The following OSBPL8 variants were observed in gnomAD, a reference collection of about 807,000 sequenced individuals.
The protein encoded by OSBPL8 is oxysterol-binding protein-related protein 8.
Under a neutral mutation model 125.5 loss-of-function variants are expected in OSBPL8, and 59 were observed. The observed-to-expected ratio is 0.47, with a 90% confidence interval of 0.38 to 0.58. OSBPL8 has a LOEUF of 0.58. OSBPL8 is among the 20% of genes least tolerant of loss of function. The pLI is 0.00. For missense variants in OSBPL8, 758 were observed against 1,047.8 expected (o/e 0.72, Z 3.82); for synonymous variants, 330 against 338.9 (o/e 0.97, Z 0.29).
At chr12:76,386,878 A>C (rs551301264) in intron 12 of OSBPL8, among the ~76,000 whole-genome samples, 86 of 152,260 alleles carry the variant, frequency 5.6e-4, no homozygotes, top group Middle Eastern at 3.4e-3. Context: ...ATTCTTTGAT[A>C]CACTGCCTGG....
intron 2 of OSBPL8, among the ~76,000 whole-genome samples, chr12:76,474,187 T>TA (rs1391814416): frequency 6.6e-6 from 1 of 152,144 alleles, no homozygotes; most frequent in Non-Finnish European, 1.5e-5. Flanking sequence ...AAAATAAATT[T>TA]AAAAAACATA....
chr12:76,510,989 T>C (rs1045794923), intron 1 of OSBPL8, among the ~76,000 whole-genome samples: 1 of 152,136 alleles, frequency 6.6e-6, no homozygotes, highest in South Asian at 2.1e-4. Context: ...GAACTTAGTG[T>C]ATAGCCAAGA....
intron 2 of OSBPL8, among the ~76,000 whole-genome samples, chr12:76,464,652 C>G (rs1369765260): frequency 6.6e-6 from 1 of 152,184 alleles, no homozygotes; most frequent in African/African-American, 2.4e-5. Flanking sequence ...AAATAAACCA[C>G]ACTGGAAGGC....
intron 15 of OSBPL8, among the ~76,000 whole-genome samples, chr12:76,381,971 G>A (rs1387958955): frequency 6.6e-6 from 1 of 152,100 alleles, no homozygotes; most frequent in Non-Finnish European, 1.5e-5. Flanking sequence ...CTGACCTCAG[G>A]TGATCCACCC....
At chr12:76,456,839 C>A (rs1874111124) in intron 3 of OSBPL8, among the ~76,000 whole-genome samples, 1 of 151,984 alleles carries the variant, frequency 6.6e-6, no homozygotes, top group Non-Finnish European at 1.5e-5. Flanking sequence ...TTTATTGATA[C>A]CATAAGTTTA....
chr12:76,429,555 A>G (rs1364007965), intron 4 of OSBPL8, among the ~76,000 whole-genome samples: 1 of 152,136 alleles, frequency 6.6e-6, no homozygotes, highest in Non-Finnish European at 1.5e-5. Flanking sequence ...TTTAACTAAA[A>G]ATGTACTAAA....
chr12:76,400,815 G>A (rs534647594), intron 6 of OSBPL8, among the ~76,000 whole-genome samples: 1 of 140,226 alleles, frequency 7.1e-6, no homozygotes, highest in African/African-American at 2.7e-5. Context: ...TTTTGAGACA[G>A]TCTCATTCTG....
intron 1 of OSBPL8, among the ~76,000 whole-genome samples, chr12:76,534,061 T>C (rs982862068): frequency 7.2e-5 from 11 of 152,322 alleles, no homozygotes; most frequent in African/African-American, 2.4e-4. Flanking sequence ...AAGGGGAAAA[T>C]ACCTGAGTGC....
At chr12:76,391,769 A>T (rs1953570438) in intron 10 of OSBPL8, among the ~76,000 whole-genome samples, 2 of 152,138 alleles carry the variant, frequency 1.3e-5, no homozygotes, top group East Asian at 1.9e-4. Flanking sequence ...GCTCTAAAAA[A>T]TTTTTTAAAG....
chr12:76,493,138 T>C (rs116832776), intron 1 of OSBPL8, among the ~76,000 whole-genome samples: 1,609 of 152,274 alleles, frequency 0.011, 38 homozygotes, highest in African/African-American at 0.037. Flanking sequence ...CTCTGAGTCT[T>C]TGTTTTCTCA....
intron 8 of OSBPL8, among the ~76,000 whole-genome samples, chr12:76,395,059 G>C (rs1953734141): frequency 6.6e-6 from 1 of 151,958 alleles, no homozygotes; most frequent in African/African-American, 2.4e-5. Flanking sequence ...CAACTAATGA[G>C]ATAAGAAATA....
In OSBPL8 at chr12:76,352,743, A is replaced by G. The variant is rs1309758194; in HGVS notation, c.*3146T>C. ...CTAGAAATGCTAAACACTGGAAAAA[A>G]TGGAATTTTATACATTTGTTTTCTT... On this transcript the variant is annotated 3_prime_UTR_variant, in exon 24 of 24. Transcript: ENST00000261183. 2 of 152,568 alleles carry G rather than the reference A, an allele frequency of 1.3e-5. No individual in the cohort carries two copies. Among genetic ancestry groups the G allele is most frequent in the Non-Finnish European group, 2.9e-5 (2 of 67,952 alleles). 9.5% of individuals were successfully genotyped at this position (152,568 alleles called of 1,614,324 possible).
intron 2 of OSBPL8, among the ~76,000 whole-genome samples, chr12:76,471,042 C>A (rs1169094003): frequency 1.3e-5 from 2 of 151,060 alleles, no homozygotes; most frequent in Admixed American, 1.3e-4. Context: ...GTTTATAACC[C>A]AAAAAAAAGC....
intron 2 of OSBPL8, among the ~76,000 whole-genome samples, chr12:76,471,315 C>T (rs2136918135): frequency 6.6e-6 from 1 of 152,308 alleles, no homozygotes; most frequent in Middle Eastern, 3.4e-3. Flanking sequence ...TCTTCCCTTT[C>T]TCTGCCCCTG....
intron 4 of OSBPL8, among the ~76,000 whole-genome samples, chr12:76,445,108 T>C (rs1047010373): frequency 2.6e-5 from 4 of 152,160 alleles, no homozygotes; most frequent in African/African-American, 9.7e-5. Context: ...TTCTGTTTGG[T>C]TGTTTTGTTA....
rs147621709 is a variant in OSBPL8 at position 76,380,190 on chromosome 12, A to G, written c.1631-1640T>C. Among the ~76,000 whole-genome samples the G allele has an allele frequency of 2.4e-3, 366 of 152,280 alleles. 1 individual carries two copies. The South Asian group carries it at 0.025, about 10-fold the overall frequency. On this transcript the variant is annotated intron_variant, in intron 15 of 23. Transcript: ENST00000261183. ...AAAGCCTGCTTAGATTATGATTAGG[A>G]TTGCACTGAGTCTATGGCTCAATTA...
Position 76,406,165 on chromosome 12 carries a change from T to C in OSBPL8, c.289-3399A>G, listed in dbSNP as rs138684539. Among the ~76,000 whole-genome samples, 529 of 152,266 alleles carry C rather than the reference T, an allele frequency of 3.5e-3. 2 individuals carry two copies. Among genetic ancestry groups the C allele is most frequent in the African/African-American group, 0.012 (493 of 41,556 alleles). Reference sequence around the variant, plus strand: ...GCAGGTGCTATCAAAAATCTGACCTTTAGAGATTTAAATAATGGGGCATTT... The same window carrying C: ...GCAGGTGCTATCAAAAATCTGACCTCTAGAGATTTAAATAATGGGGCATTT... On this transcript the variant is annotated intron_variant, in intron 5 of 23. Transcript: ENST00000261183.
chr12:76,446,904 C>A (rs1311804282), intron 4 of OSBPL8, among the ~76,000 whole-genome samples: 1 of 152,136 alleles, frequency 6.6e-6, no homozygotes, highest in Non-Finnish European at 1.5e-5. Flanking sequence ...TTTGTCACCA[C>A]TGGAAGTAGA....
intron 2 of OSBPL8, among the ~76,000 whole-genome samples, chr12:76,473,525 C>A (rs965510994): frequency 5.3e-5 from 8 of 152,120 alleles, no homozygotes. Context: ...TACTAATATA[C>A]GCAACTCACC....
Sources: gnomAD v4.1 joint callset for allele counts (sites outside exome capture counted in the v4.1 genomes callset) on GRCh38, gnomAD v4.1.1 for gene constraint, MANE v1.5 for transcripts, NCBI Gene and HGNC (gene_info 2026-07-23, HGNC 2026-07-21) for gene names.